The following ZCCHC24 variants were observed in gnomAD, a reference collection of about 807,000 sequenced individuals.
The protein encoded by ZCCHC24 is zinc finger CCHC-type containing 24.
ZCCHC24 carries 10 observed loss-of-function variants against 26.2 expected under a neutral mutation model. That is an observed-to-expected ratio of 0.38 (90% CI 0.24 to 0.65). The LOEUF (loss-of-function observed/expected upper bound fraction) is 0.65. ZCCHC24 is among the 30% of genes least tolerant of loss of function. ZCCHC24 has a pLI of 0.54. For missense variants in ZCCHC24, 243 were observed against 329.1 expected (o/e 0.74, Z 2.03); for synonymous variants, 144 against 147.1 (o/e 0.98, Z 0.15).
rs182034177 is a variant in ZCCHC24 at position 79,418,178 on chromosome 10, C to T, written c.447+14380G>A. Among the ~76,000 whole-genome samples the T allele has an allele frequency of 3.5e-3, 538 of 152,348 alleles. 14 individuals are homozygous for T. Among genetic ancestry groups the T allele is most frequent in the Non-Finnish European group, 9.6e-4 (65 of 68,030 alleles). On this transcript the variant is annotated intron_variant, in intron 2 of 3. Coordinates refer to ENST00000372336, the MANE Select transcript of ZCCHC24 (RefSeq NM_153367.4). ...GATCATCTCAGCAAATGTGGCTGCT[C>T]GCTGGGCAGTGGAGCAAATGGTATA...
intron 2 of ZCCHC24, chr10:79,403,682 C>T: frequency 2.3e-6 from 2 of 859,632 alleles, no homozygotes; most frequent in Non-Finnish European, 2.8e-6. Flanking sequence ...CTCCCCTCTT[C>T]TGGGTTCCTG....
intron 1 of ZCCHC24, among the ~76,000 whole-genome samples, chr10:79,436,434 G>A (rs1351841837): frequency 6.6e-6 from 1 of 152,176 alleles, no homozygotes; most frequent in Admixed American, 6.5e-5. Context: ...TAGAGGCCCC[G>A]ACTCCCACCA....
intron 2 of ZCCHC24, among the ~76,000 whole-genome samples, chr10:79,401,179 T>C (rs1159043055): frequency 6.6e-6 from 1 of 152,184 alleles, no homozygotes; most frequent in Non-Finnish European, 1.5e-5. Context: ...CCTCTGGATA[T>C]GGGTTCCAGC....
rs181420971 is a variant in ZCCHC24 at position 79,411,958 on chromosome 10, T to C, written c.448-17518A>G. Among the ~76,000 whole-genome samples, 39 of 152,298 alleles carry C rather than the reference T, an allele frequency of 2.6e-4. No homozygotes were observed. In the East Asian group the frequency reaches 6.2e-3, roughly 24 times the overall value. On this transcript the variant is annotated intron_variant, in intron 2 of 3. Transcript: ENST00000372336. Reference sequence around the variant, plus strand: ...CCCACATGTGCCCCTTACAGAGCCCTGGCTGTCTCTCCTGCCCTTCCCTGG... The same window carrying C: ...CCCACATGTGCCCCTTACAGAGCCCCGGCTGTCTCTCCTGCCCTTCCCTGG...
chr10:79,412,404 C>G (rs533216275), intron 2 of ZCCHC24, among the ~76,000 whole-genome samples: 8 of 152,366 alleles, frequency 5.3e-5, no homozygotes, highest in African/African-American at 1.9e-4. Flanking sequence ...CCCGTGTACA[C>G]CCTCGCCCCT....
chr10:79,442,993 C>T (rs1427629328), intron 1 of ZCCHC24, among the ~76,000 whole-genome samples: 1 of 152,150 alleles, frequency 6.6e-6, no homozygotes, highest in Non-Finnish European at 1.5e-5. Flanking sequence ...AGAGAAGCCC[C>T]TCTTGACTCC....
Position 79,383,354 on chromosome 10 carries a change from G to A in ZCCHC24, c.*2991C>T, listed in dbSNP as rs1002749862. 37 of 152,590 alleles carry A rather than the reference G, an allele frequency of 2.4e-4. No homozygotes were observed. Among genetic ancestry groups the A allele is most frequent in the African/African-American group, 8.2e-4 (34 of 41,406 alleles). The allele number at this position is 152,590 out of a possible 1,614,324, so 9.5% of individuals were successfully genotyped here. A position where few individuals can be genotyped will look rare whatever the true frequency, so the allele number is the denominator to read the frequency against. Reference sequence around the variant, plus strand: ...GTACCAACTTCATATAATATTCTATGTAGACAATATTTCCTTCTGAATGTA... The same window carrying A: ...GTACCAACTTCATATAATATTCTATATAGACAATATTTCCTTCTGAATGTA... On this transcript the variant is annotated 3_prime_UTR_variant, in exon 4 of 4. Transcript: ENST00000372336.
intron 3 of ZCCHC24, among the ~76,000 whole-genome samples, chr10:79,391,148 T>C (rs1302249321): frequency 6.6e-6 from 1 of 152,032 alleles, no homozygotes; most frequent in African/African-American, 2.4e-5. Context: ...GTGCACACAG[T>C]AGGTGCTCAA....
chr10:79,433,726 G>C (rs180923356), intron 1 of ZCCHC24, among the ~76,000 whole-genome samples: 2 of 152,190 alleles, frequency 1.3e-5, no homozygotes, highest in Non-Finnish European at 2.9e-5. Flanking sequence ...ACCTTGGGGG[G>C]CCTTGTGTCT....
intron 1 of ZCCHC24, among the ~76,000 whole-genome samples, chr10:79,435,337 C>T (rs548157387): frequency 1.8e-4 from 28 of 152,244 alleles, no homozygotes; most frequent in African/African-American, 6.3e-4. Context: ...GCACTAATTA[C>T]ACCCTGAAAA....
chr10:79,402,776 A>C (rs917121972), intron 2 of ZCCHC24, among the ~76,000 whole-genome samples: 12 of 152,228 alleles, frequency 7.9e-5, no homozygotes, highest in Admixed American at 6.5e-4. Flanking sequence ...GCCAGAACTT[A>C]AACCCAATTT....
At chr10:79,437,258 G>A (rs1857227924) in intron 1 of ZCCHC24, among the ~76,000 whole-genome samples, 1 of 152,096 alleles carries the variant, frequency 6.6e-6, no homozygotes, top group East Asian at 1.9e-4. Flanking sequence ...TCACCATGTT[G>A]CCCAGGCAGG....
At chr10:79,443,207 G>C (rs1857312092) in intron 1 of ZCCHC24, among the ~76,000 whole-genome samples, 2 of 152,176 alleles carry the variant, frequency 1.3e-5, no homozygotes, top group Admixed American at 1.3e-4. Flanking sequence ...GTGACTTTAT[G>C]GGGAAACTGA....
chr10:79,394,206 C>T (rs1329403039), intron 3 of ZCCHC24, 70 bp downstream of exon 3: 20 of 1,559,142 alleles, frequency 1.3e-5, no homozygotes, highest in Non-Finnish European at 1.7e-5. Flanking sequence ...AGGGAGTAAA[C>T]TGAGGTCCGG....
intron 2 of ZCCHC24, among the ~76,000 whole-genome samples, chr10:79,411,746 G>A (rs777036236): frequency 6.6e-6 from 1 of 152,128 alleles, no homozygotes; most frequent in African/African-American, 2.4e-5. Flanking sequence ...GCTAGGGAGA[G>A]TCTGAAGCAA....
intron 2 of ZCCHC24, among the ~76,000 whole-genome samples, chr10:79,397,380 T>C (rs143916619): frequency 3.9e-5 from 6 of 152,304 alleles, no homozygotes; most frequent in Non-Finnish European, 7.4e-5. Flanking sequence ...CAGTTTGTAA[T>C]AGAGGGGTCA....
At chr10:79,410,601 G>A (rs1856777054) in intron 2 of ZCCHC24, among the ~76,000 whole-genome samples, 1 of 152,226 alleles carries the variant, frequency 6.6e-6, no homozygotes, top group Non-Finnish European at 1.5e-5. Flanking sequence ...TGGAGGCCAG[G>A]CCAGTCCAGG....
In ZCCHC24 at chr10:79,384,845, T is replaced by C. The variant is rs1049326963; in HGVS notation, c.*1500A>G. ...TTTTTTTTTTCCCACAGAGGCATAA[T>C]GTAGGGGCAAAATCAAGAGACCCAG... On this transcript the variant is annotated 3_prime_UTR_variant, in exon 4 of 4. Transcript: ENST00000372336. 2 of 150,888 alleles carry C rather than the reference T, an allele frequency of 1.3e-5. No homozygotes were observed. The allele number at this position is 150,888 out of a possible 1,614,324, so 9.3% of individuals were successfully genotyped here.
intron 2 of ZCCHC24, among the ~76,000 whole-genome samples, chr10:79,401,933 G>C (rs888512151): frequency 6.6e-6 from 1 of 152,242 alleles, no homozygotes; most frequent in Non-Finnish European, 1.5e-5. Flanking sequence ...GTGGCCCTGG[G>C]CTCCAGTCTA....
Sources: gnomAD v4.1 joint callset for allele counts (sites outside exome capture counted in the v4.1 genomes callset) on GRCh38, gnomAD v4.1.1 for gene constraint, MANE v1.5 for transcripts, NCBI Gene and HGNC (gene_info 2026-07-23, HGNC 2026-07-21) for gene names.